PACRG: variants seen among roughly 807,000 people sequenced by gnomAD.
PACRG encodes parkin coregulated gene protein.
In PACRG, 29 loss-of-function variants were observed where a neutral mutation model predicts 29.7. That is an observed-to-expected ratio of 0.98 (90% CI 0.73 to 1.33). The LOEUF is 1.33. Ranked by LOEUF, PACRG falls within the 40% of genes most tolerant of loss-of-function variation. The probability of loss-of-function intolerance (pLI) is 0.00; values close to 1 mark genes in which losing one functional copy is unlikely to be tolerated. For missense variants in PACRG, 279 were observed against 316.2 expected (o/e 0.88, Z 0.89); for synonymous variants, 116 against 118.7 (o/e 0.98, Z 0.15).
At chr6:162,954,368 A>G (rs912893652) in intron 2 of PACRG, among the ~76,000 whole-genome samples, 1 of 152,064 alleles carries the variant, frequency 6.6e-6, no homozygotes, top group Non-Finnish European at 1.5e-5. Flanking sequence ...GGTAATGTAT[A>G]TAAGTTTGTC....
At chr6:163,149,340 G>A (rs1028372825) in intron 4 of PACRG, among the ~76,000 whole-genome samples, 5 of 151,934 alleles carry the variant, frequency 3.3e-5, no homozygotes, top group Admixed American at 6.6e-5. Context: ...CCTCCCCAGC[G>A]CACTGGCCCG....
intron 1 of PACRG, among the ~76,000 whole-genome samples, chr6:162,763,172 C>T (rs993651145): frequency 6.6e-6 from 1 of 152,180 alleles, no homozygotes; most frequent in South Asian, 2.1e-4. Context: ...GAGAGTATAG[C>T]TCTGCTTTTA....
chr6:163,151,617 T>G (rs1778096126), intron 4 of PACRG, among the ~76,000 whole-genome samples: 1 of 152,224 alleles, frequency 6.6e-6, no homozygotes, highest in Non-Finnish European at 1.5e-5. Flanking sequence ...CATGGTTTGC[T>G]TATTCCAGAT....
At chr6:162,942,412 T>A (rs989343216) in intron 2 of PACRG, among the ~76,000 whole-genome samples, 12 of 152,202 alleles carry the variant, frequency 7.9e-5, no homozygotes, top group African/African-American at 2.9e-4. Flanking sequence ...CTTTTCATTC[T>A]ATTTTTTTTT....
intron 2 of PACRG, among the ~76,000 whole-genome samples, chr6:162,930,500 C>A (rs570207700): frequency 6.6e-6 from 1 of 151,860 alleles, no homozygotes; most frequent in Non-Finnish European, 1.5e-5. Flanking sequence ...TGCAGTAAAT[C>A]TTTAGGCTTT....
At chr6:162,878,007 A>G (rs1324727884) in intron 2 of PACRG, among the ~76,000 whole-genome samples, 2 of 152,346 alleles carry the variant, frequency 1.3e-5, no homozygotes, top group East Asian at 1.9e-4. Flanking sequence ...AAGGTTATAG[A>G]TAGTTTCACT....
intron 4 of PACRG, among the ~76,000 whole-genome samples, chr6:163,202,050 G>T (rs536936754): frequency 4.9e-4 from 74 of 152,334 alleles, no homozygotes; most frequent in African/African-American, 1.7e-3. Flanking sequence ...AGGAAGCAGT[G>T]CGAGCAAACG....
At chr6:163,134,610 A>C (rs1248882242) in intron 4 of PACRG, among the ~76,000 whole-genome samples, 2 of 152,222 alleles carry the variant, frequency 1.3e-5, no homozygotes, top group South Asian at 4.1e-4. Flanking sequence ...AGGGGAAAAA[A>C]ATACTCTATT....
intron 3 of PACRG, among the ~76,000 whole-genome samples, chr6:163,084,480 C>T (rs991008059): frequency 2.6e-5 from 4 of 152,078 alleles, no homozygotes; most frequent in African/African-American, 7.2e-5. Flanking sequence ...CCCTGTTGGA[C>T]GAAGTTAAGA....
upstream of PACRG, chr6:162,727,769 A>C: frequency 7.9e-7 from 1 of 1,260,894 alleles, no homozygotes; most frequent in Non-Finnish European, 1.1e-6. Context: ...TAAATCCTCC[A>C]GGCCTCCCCG....
At chr6:163,233,100 C>T (rs555087996) in intron 4 of PACRG, among the ~76,000 whole-genome samples, 10 of 152,370 alleles carry the variant, frequency 6.6e-5, no homozygotes, top group South Asian at 4.1e-4. Flanking sequence ...TTACAGAACA[C>T]GCTCAGCAGG....
intron 2 of PACRG, among the ~76,000 whole-genome samples, chr6:162,913,158 G>T (rs1796431110): frequency 6.6e-6 from 1 of 152,022 alleles, no homozygotes; most frequent in Non-Finnish European, 1.5e-5. Flanking sequence ...ACTAATTCAA[G>T]GTGTACAATC....
At chr6:163,040,550 A>G (rs1181761140) in intron 2 of PACRG, among the ~76,000 whole-genome samples, 2 of 152,228 alleles carry the variant, frequency 1.3e-5, no homozygotes, top group Non-Finnish European at 2.9e-5. Context: ...CAGCCCGTGA[A>G]AGCAGATGCA....
At chr6:163,126,379 C>T (rs113734554) in intron 4 of PACRG, among the ~76,000 whole-genome samples, 5 of 152,158 alleles carry the variant, frequency 3.3e-5, no homozygotes, top group African/African-American at 1.2e-4. Flanking sequence ...CATTAATCCC[C>T]CTAGATGAGC....
At chr6:162,945,191 C>G (rs1467165192) in intron 2 of PACRG, among the ~76,000 whole-genome samples, 1 of 152,056 alleles carries the variant, frequency 6.6e-6, no homozygotes, top group Non-Finnish European at 1.5e-5. Context: ...ACTGATTAAA[C>G]TTTTCACTTA....
At chr6:163,240,252 G>T (rs13210788) in intron 4 of PACRG, among the ~76,000 whole-genome samples, 24,852 of 151,464 alleles carry the variant, frequency 0.16, 2,287 homozygotes, top group South Asian at 0.3. Flanking sequence ...GAGGAGGAGG[G>T]GGGGACGTGC....
intron 4 of PACRG, among the ~76,000 whole-genome samples, chr6:163,163,796 T>C (rs77807040): frequency 0.048 from 7,305 of 152,264 alleles, 343 homozygotes; most frequent in East Asian, 0.1. Flanking sequence ...AGTCTGAATT[T>C]CTTTTGGTAT....
In PACRG at chr6:163,269,867, G is replaced by GAGAAAGAGAAAGAA. The variant is rs1783686892; in HGVS notation, c.614-44953_614-44952insGAAAGAAAGAAAGA. Among the ~76,000 whole-genome samples the GAGAAAGAGAAAGAA allele has an allele frequency of 1.4e-4, 8 of 56,766 alleles. 1 individual carries two copies. The highest frequency in any genetic ancestry group is 6.6e-4 in the African/African-American group (8 of 12,142). 37.2% of individuals were successfully genotyped at this position (56,766 alleles called of 152,430 possible). On this transcript the variant is annotated intron_variant, in intron 4 of 4. Coordinates refer to ENST00000366888, the MANE Select transcript of PACRG (RefSeq NM_001080379.2). ...AAAGAAAGAAAGAAAGAGAAAGAAA[G>GAGAAAGAGAAAGAA]AGAAAGAAAGAAAGAAAGAAAGAAA...
At chr6:162,812,689 A>G (rs1229091503) in intron 1 of PACRG, among the ~76,000 whole-genome samples, 1 of 152,124 alleles carries the variant, frequency 6.6e-6, no homozygotes, top group Non-Finnish European at 1.5e-5. Context: ...TACAGTTTCC[A>G]TGATAGTAAT....
Sources: gnomAD v4.1 joint callset for allele counts (sites outside exome capture counted in the v4.1 genomes callset) on GRCh38, gnomAD v4.1.1 for gene constraint, MANE v1.5 for transcripts, NCBI Gene and HGNC (gene_info 2026-07-23, HGNC 2026-07-21) for gene names.